ATP9A: variants seen among roughly 807,000 people sequenced by gnomAD.
The protein encoded by ATP9A is probable phospholipid-transporting ATPase IIA.
ATP9A carries 52 observed loss-of-function variants against 144.1 expected under a neutral mutation model. The ratio of observed to expected loss-of-function variants is 0.36; its 90% CI spans 0.29 to 0.45. The LOEUF (loss-of-function observed/expected upper bound fraction) is 0.45. Ranked by LOEUF, ATP9A falls within the 20% of genes least tolerant of loss-of-function variation. The pLI, the probability that ATP9A is intolerant of heterozygous loss-of-function variation, is 1.00. For missense variants in ATP9A, 947 were observed against 1,392.7 expected (o/e 0.68, Z 5.09); for synonymous variants, 582 against 557.4 (o/e 1.04, Z -0.62).
At chr20:51,621,907 C>T (rs988372735) in intron 19 of ATP9A, among the ~76,000 whole-genome samples, 167 bp downstream of exon 19, 1 of 152,118 alleles carries the variant, frequency 6.6e-6, no homozygotes, top group Non-Finnish European at 1.5e-5. Flanking sequence ...CTCCAGCCGG[C>T]GCCTGGGTCA....
chr20:51,674,182 G>A lies in ATP9A; in HGVS notation c.1008C>T (p.Leu336=). The A allele has an allele frequency of 6.2e-7, 1 of 1,614,002 alleles. No individual in the cohort carries two copies. Among genetic ancestry groups the A allele is most frequent in the Non-Finnish European group, 8.5e-7 (1 of 1,179,998 alleles). ...GRWYLQIIRF[L]LLFSNIIPIS... is the part of the protein sequence containing the mutation. ...TGGGGATGATGTTGGAAAACAAGAG[G>A]AGGAAGCGGATGATCTGCAGGTACC... The change falls in exon 11 of 28, where the codon CTC becomes CTT. Residue 336 remains leucine, a synonymous_variant. Coordinates refer to ENST00000338821, the MANE Select transcript of ATP9A (RefSeq NM_006045.3).
At chr20:51,717,871 T>G (rs1265035306) in intron 3 of ATP9A, among the ~76,000 whole-genome samples, 1 of 151,776 alleles carries the variant, frequency 6.6e-6, no homozygotes, top group African/African-American at 2.4e-5. Context: ...GGAGAATCAC[T>G]TGAACCCGGG....
chr20:51,716,202 A>C (rs1964616884), intron 3 of ATP9A, among the ~76,000 whole-genome samples: 1 of 152,174 alleles, frequency 6.6e-6, no homozygotes, highest in Non-Finnish European at 1.5e-5. Context: ...AATAACAAAA[A>C]TACTCCACAT....
At chr20:51,605,079 C>A (rs979666448) in intron 26 of ATP9A, 59 bp from the exon 27 acceptor site, 12 of 1,422,160 alleles carry the variant, frequency 8.4e-6, no homozygotes, top group Admixed American at 7.7e-5. Flanking sequence ...GTGCGCTGCT[C>A]GCCTACACCT....
chr20:51,643,795 T>A (rs1343019355), intron 14 of ATP9A, among the ~76,000 whole-genome samples: 1 of 152,192 alleles, frequency 6.6e-6, no homozygotes, highest in Non-Finnish European at 1.5e-5. Flanking sequence ...TGCTAACAAT[T>A]GTCTTCCAAA....
At chr20:51,753,439 A>C (rs2077841429) in intron 1 of ATP9A, among the ~76,000 whole-genome samples, 1 of 140,608 alleles carries the variant, frequency 7.1e-6, no homozygotes, top group Admixed American at 7.5e-5. Flanking sequence ...CAACAGAGTG[A>C]GACTCCGTCT....
intron 4 of ATP9A, among the ~76,000 whole-genome samples, chr20:51,710,574 T>C (rs2077633959): frequency 6.6e-6 from 1 of 152,130 alleles, no homozygotes; most frequent in Non-Finnish European, 1.5e-5. Flanking sequence ...CTTTCCAAGC[T>C]GACAGTTTCT....
chr20:51,627,340 G>C (rs1010194331), intron 17 of ATP9A, among the ~76,000 whole-genome samples: 3 of 152,212 alleles, frequency 2.0e-5, no homozygotes, highest in Non-Finnish European at 4.4e-5. Flanking sequence ...GCCTTAGACA[G>C]GTGGTCCAGG....
chr20:51,669,781 G>A (rs12625038), intron 13 of ATP9A, among the ~76,000 whole-genome samples: 30,212 of 151,934 alleles, frequency 0.2, 3,298 homozygotes, highest in South Asian at 0.37. Flanking sequence ...GGGAGGTATT[G>A]GGGAGTGACT....
Position 51,610,109 on chromosome 20 carries a change from G to T in ATP9A, c.2628C>A (p.Leu876=). The change falls in exon 24 of 28, where the codon CTC becomes CTA. Residue 876 remains leucine, a synonymous_variant. Coordinates refer to ENST00000338821, the MANE Select transcript of ATP9A (RefSeq NM_006045.3). ...TGGCAGGATTTCCTTACCCAATGAT[G>T]AGGAATCCTTGATAGAGAGGGACGG... ...FASVPLYQGF[L]IIGYSTIYTM... is the part of the protein sequence containing the mutation. 1 of 1,599,170 alleles carries T rather than the reference G, an allele frequency of 6.3e-7. No individual in the cohort carries two copies. Among genetic ancestry groups the T allele is most frequent in the Non-Finnish European group, 8.6e-7 (1 of 1,166,410 alleles).
intron 1 of ATP9A, among the ~76,000 whole-genome samples, chr20:51,731,776 A>T (rs554634623): frequency 6.6e-6 from 1 of 152,058 alleles, no homozygotes; most frequent in Non-Finnish European, 1.5e-5. Context: ...CAGAGACGTA[A>T]GAAACAGCTG....
At chr20:51,708,912 G>A (rs1239118940) in intron 4 of ATP9A, among the ~76,000 whole-genome samples, 1 of 152,258 alleles carries the variant, frequency 6.6e-6, no homozygotes, top group East Asian at 1.9e-4. Flanking sequence ...AGACCAAGGA[G>A]AGAGGACAAC....
intron 11 of ATP9A, 69 bp from the exon 12 acceptor site, chr20:51,671,326 A>G (rs919578255): frequency 5.3e-5 from 82 of 1,554,784 alleles, no homozygotes; most frequent in Middle Eastern, 5.1e-4. Context: ...TTATAAAAAC[A>G]TGGACTCTAA....
At chr20:51,696,834 C>T (rs961911810) in intron 5 of ATP9A, among the ~76,000 whole-genome samples, 5 of 152,162 alleles carry the variant, frequency 3.3e-5, no homozygotes, top group Non-Finnish European at 7.3e-5. Context: ...AAATATTATT[C>T]CAAGCCTCTC....
intron 4 of ATP9A, among the ~76,000 whole-genome samples, chr20:51,712,353 C>A (rs1364911119): frequency 6.6e-6 from 1 of 152,128 alleles, no homozygotes; most frequent in South Asian, 2.1e-4. Flanking sequence ...GGATTACAGG[C>A]GTGAGCCACT....
At chr20:51,641,175 A>G (rs942191031) in intron 14 of ATP9A, among the ~76,000 whole-genome samples, 3 of 152,044 alleles carry the variant, frequency 2.0e-5, no homozygotes, top group African/African-American at 7.2e-5. Flanking sequence ...CCTGGTCAAC[A>G]TGGTGAAATC....
intron 3 of ATP9A, among the ~76,000 whole-genome samples, chr20:51,717,871 T>C (rs1265035306): frequency 6.6e-6 from 1 of 151,776 alleles, no homozygotes; most frequent in Non-Finnish European, 1.5e-5. Context: ...GGAGAATCAC[T>C]TGAACCCGGG....
chr20:51,676,102 G>GGTT, intron 10 of ATP9A, 30 bp downstream of exon 10: 1 of 1,578,638 alleles, frequency 6.3e-7, no homozygotes, highest in South Asian at 1.1e-5. Flanking sequence ...GCCCACAGCC[G>GGTT]GTCAATGTAC....
At chr20:51,746,883 G>T (rs180847394) in intron 1 of ATP9A, among the ~76,000 whole-genome samples, 17 of 152,206 alleles carry the variant, frequency 1.1e-4, no homozygotes, top group African/African-American at 3.8e-4. Flanking sequence ...GCGCACGCCC[G>T]TAATCCCAGC....
Sources: gnomAD v4.1 joint callset for allele counts (sites outside exome capture counted in the v4.1 genomes callset) on GRCh38, gnomAD v4.1.1 for gene constraint, MANE v1.5 for transcripts, NCBI Gene and HGNC (gene_info 2026-07-23, HGNC 2026-07-21) for gene names.